PARD3: variants seen among roughly 807,000 people sequenced by gnomAD.
PARD3 encodes the protein partitioning defective 3 homolog.
PARD3 carries 75 observed loss-of-function variants against 155.4 expected under a neutral mutation model. That is an observed-to-expected ratio of 0.48 (90% CI 0.40 to 0.58). The LOEUF is 0.58. PARD3 is among the 20% of genes least tolerant of loss of function. PARD3 has a pLI of 0.00. For synonymous variants in PARD3, 576 were observed against 610.5 expected (o/e 0.94, Z 0.83); for missense variants, 1,642 against 1,721.7 (o/e 0.95, Z 0.82).
chr10:34,119,554 A>AGGGCGGGGGATCTTAAAG, intron 24 of PARD3, 59 bp downstream of exon 24: 1 of 1,496,310 alleles, frequency 6.7e-7, no homozygotes, highest in Non-Finnish European at 9.0e-7. Flanking sequence ...GCGTTCCTAA[A>AGGGCGGGGGATCTTAAAG]GGGCGGGGGA....
intron 4 of PARD3, among the ~76,000 whole-genome samples, chr10:34,467,899 C>T (rs1589682938): frequency 6.6e-6 from 1 of 152,182 alleles, no homozygotes; most frequent in African/African-American, 2.4e-5. Flanking sequence ...GGCTCTTCTG[C>T]AGAGAAGGGT....
intron 2 of PARD3, among the ~76,000 whole-genome samples, chr10:34,676,397 C>T (rs2093707570): frequency 6.6e-6 from 1 of 152,126 alleles, no homozygotes; most frequent in Non-Finnish European, 1.5e-5. Context: ...CTCCTTCCCA[C>T]AATAAACAAA....
At chr10:34,312,717 C>T (rs1957770285) in intron 20 of PARD3, among the ~76,000 whole-genome samples, 1 of 152,116 alleles carries the variant, frequency 6.6e-6, no homozygotes, top group Non-Finnish European at 1.5e-5. Context: ...ATTTCTTTTG[C>T]TTTAGCTTTC....
chr10:34,697,696 A>G (rs1304894762), intron 1 of PARD3, among the ~76,000 whole-genome samples: 1 of 152,014 alleles, frequency 6.6e-6, no homozygotes, highest in East Asian at 1.9e-4. Flanking sequence ...GTTCCTCTGC[A>G]CCCTCATCTA....
At chr10:34,634,780 T>C (rs1226416515) in intron 2 of PARD3, among the ~76,000 whole-genome samples, 1 of 152,234 alleles carries the variant, frequency 6.6e-6, no homozygotes, top group Non-Finnish European at 1.5e-5. Context: ...CAAAGTACCA[T>C]TTCCAGAACT....
chr10:34,284,953 G>T (rs17554828), intron 20 of PARD3, among the ~76,000 whole-genome samples: 2,353 of 152,218 alleles, frequency 0.015, 24 homozygotes, highest in Middle Eastern at 0.065. Context: ...TCTGCAGATG[G>T]GTGCTGAGCT....
chr10:34,354,503 C>A (rs1308414597), intron 14 of PARD3, among the ~76,000 whole-genome samples: 1 of 152,160 alleles, frequency 6.6e-6, no homozygotes, highest in Non-Finnish European at 1.5e-5. Context: ...CAAGCCCTGG[C>A]AGTCTCAGAA....
chr10:34,145,959 T>G (rs1161738801), intron 22 of PARD3, among the ~76,000 whole-genome samples: 1 of 152,072 alleles, frequency 6.6e-6, no homozygotes, highest in Non-Finnish European at 1.5e-5. Context: ...CTCATGACAG[T>G]GTATGTGGAC....
chr10:34,588,469 T>C (rs1361831571), intron 2 of PARD3, among the ~76,000 whole-genome samples: 1 of 152,152 alleles, frequency 6.6e-6, no homozygotes, highest in Non-Finnish European at 1.5e-5. Context: ...AATCTACCTA[T>C]CACGTTTAAT....
chr10:34,567,438 A>G (rs1183520425), intron 2 of PARD3, among the ~76,000 whole-genome samples: 1 of 152,200 alleles, frequency 6.6e-6, no homozygotes, highest in African/African-American at 2.4e-5. Context: ...GTGATTACCA[A>G]TATTATAAAC....
intron 1 of PARD3, among the ~76,000 whole-genome samples, chr10:34,787,296 T>C (rs1588746939): frequency 1.3e-5 from 2 of 152,146 alleles, no homozygotes; most frequent in East Asian, 3.9e-4. Context: ...GGAGAATTGC[T>C]TGAACCCAGG....
chr10:34,409,734 C>T (rs1226374554), intron 5 of PARD3, among the ~76,000 whole-genome samples: 1 of 152,146 alleles, frequency 6.6e-6, no homozygotes, highest in Non-Finnish European at 1.5e-5. Flanking sequence ...AAGTGGCTTG[C>T]TTACCAGAGT....
chr10:34,479,992 A>G (rs2078969282), intron 3 of PARD3, among the ~76,000 whole-genome samples: 1 of 152,240 alleles, frequency 6.6e-6, no homozygotes, highest in Non-Finnish European at 1.5e-5. Flanking sequence ...CAGCTGCACA[A>G]AAGCCACAGC....
intron 1 of PARD3, among the ~76,000 whole-genome samples, chr10:34,741,418 T>G (rs1305602739): frequency 6.6e-6 from 1 of 151,978 alleles, no homozygotes; most frequent in Non-Finnish European, 1.5e-5. Flanking sequence ...CTCCTGAGCT[T>G]AAGCGATCCT....
At chr10:34,769,359 C>T (rs996603689) in intron 1 of PARD3, among the ~76,000 whole-genome samples, 4 of 152,190 alleles carry the variant, frequency 2.6e-5, no homozygotes, top group African/African-American at 4.8e-5. Flanking sequence ...AATGGCTTAA[C>T]GGAATGCCTC....
chr10:34,232,395 T>C (rs1952979804), intron 22 of PARD3, among the ~76,000 whole-genome samples: 1 of 152,046 alleles, frequency 6.6e-6, no homozygotes, highest in South Asian at 2.1e-4. Context: ...ACCTAAACAG[T>C]TTAGGAAACC....
chr10:34,552,814 C>T (rs776800414), intron 2 of PARD3, among the ~76,000 whole-genome samples: 8 of 151,726 alleles, frequency 5.3e-5, no homozygotes, highest in Non-Finnish European at 8.8e-5. Context: ...CTTTAATAAA[C>T]GGACTGAAAA....
intron 12 of PARD3, among the ~76,000 whole-genome samples, chr10:34,365,022 G>A (rs1839830190): frequency 6.6e-6 from 1 of 152,108 alleles, no homozygotes; most frequent in Admixed American, 6.5e-5. Context: ...ATTTAATACT[G>A]GTGTGGTGAA....
chr10:34,232,845 C>G (rs1343637781), intron 22 of PARD3, among the ~76,000 whole-genome samples: 1 of 151,880 alleles, frequency 6.6e-6, no homozygotes, highest in Non-Finnish European at 1.5e-5. Flanking sequence ...GGACTACAGG[C>G]ACATGCCATC....
Sources: allele counts gnomAD v4.1 joint callset (sites outside exome capture counted in the v4.1 genomes callset), GRCh38; gene constraint gnomAD v4.1.1; transcripts MANE v1.5; gene names NCBI Gene and HGNC (gene_info 2026-07-23, HGNC 2026-07-21).